The following DLG2 variants were observed in gnomAD, a reference collection of about 807,000 sequenced individuals.
DLG2 encodes the protein disks large homolog 2.
In DLG2, 45 loss-of-function variants were observed where a neutral mutation model predicts 132.5. The observed-to-expected ratio is 0.34, with a 90% CI of 0.27 to 0.44. The LOEUF (loss-of-function observed/expected upper bound fraction) is 0.44. Among genes scored for constraint, DLG2 ranks in the 20% least tolerant of loss-of-function variants. The probability of loss-of-function intolerance (pLI) is 1.00; values close to 1 mark genes in which losing one functional copy is unlikely to be tolerated. For missense variants in DLG2, 1,045 were observed against 1,196.9 expected (o/e 0.87, Z 1.87); for synonymous variants, 424 against 419.6 (o/e 1.01, Z -0.13).
chr11:85,394,957 A>G (rs969487746), intron 3 of DLG2, among the ~76,000 whole-genome samples: 3 of 152,174 alleles, frequency 2.0e-5, no homozygotes, highest in Non-Finnish European at 4.4e-5. Flanking sequence ...GAACATGTAT[A>G]CTTTTGCACT....
In DLG2 at chr11:84,706,398, A is replaced by T. The variant is rs563963498; in HGVS notation, c.358-171667T>A. Among the ~76,000 whole-genome samples, 50 of 151,914 alleles carry T rather than the reference A, an allele frequency of 3.3e-4. 1 individual carries two copies. The highest frequency in any genetic ancestry group is 1.9e-3 in the South Asian group (9 of 4,822). On this transcript the variant is annotated intron_variant, in intron 6 of 27. Coordinates refer to ENST00000376104, the MANE Select transcript of DLG2 (RefSeq NM_001142699.3). ...TCAATAAGTCAGGATTATTCAATTG[A>T]AACTAAGCAACTTTAGACATACTGT...
chr11:85,311,496 A>G (rs1024339016), intron 3 of DLG2, among the ~76,000 whole-genome samples: 4 of 152,116 alleles, frequency 2.6e-5, no homozygotes, highest in African/African-American at 9.7e-5. Context: ...ACTTCCAAAA[A>G]TCAATAGAAT....
intron 8 of DLG2, among the ~76,000 whole-genome samples, chr11:84,172,582 G>T (rs909306272): frequency 3.3e-5 from 5 of 150,450 alleles, no homozygotes; most frequent in Non-Finnish European, 7.4e-5. Flanking sequence ...TTGCTCTGTT[G>T]CCCAGGCTGG....
At chr11:84,547,432 T>C (rs1344373814) in intron 6 of DLG2, among the ~76,000 whole-genome samples, 1 of 152,122 alleles carries the variant, frequency 6.6e-6, no homozygotes, top group Non-Finnish European at 1.5e-5. Flanking sequence ...ACCTTCTCTT[T>C]GCACTTTTGT....
At chr11:85,005,956 G>A (rs919401147) in intron 6 of DLG2, among the ~76,000 whole-genome samples, 79 of 152,230 alleles carry the variant, frequency 5.2e-4, no homozygotes, top group African/African-American at 1.9e-3. Flanking sequence ...TTTATCGAAG[G>A]CCTTTTCTGC....
rs371007569 is a variant in DLG2 at position 84,004,798 on chromosome 11, T to C, written c.920-24156A>G. On this transcript the variant is annotated intron_variant, in intron 11 of 27. Transcript: ENST00000376104. ...TAAAGAGGACATAAATGGAAAGACATTTCATGCTCATGGGTTGAAAGAATT... is the reference window on the plus strand; with the variant it reads ...TAAAGAGGACATAAATGGAAAGACACTTCATGCTCATGGGTTGAAAGAATT... Among the ~76,000 whole-genome samples, 3 of 151,530 alleles carry C rather than the reference T, an allele frequency of 2.0e-5. No individual in the cohort carries two copies. The South Asian group carries it at 6.2e-4, about 31-fold the overall frequency.
chr11:84,705,523 G>T (rs1368499979), intron 6 of DLG2, among the ~76,000 whole-genome samples: 1 of 151,712 alleles, frequency 6.6e-6, no homozygotes, highest in Non-Finnish European at 1.5e-5. Context: ...TTTCCAGCTG[G>T]TATGAAACTA....
At chr11:85,518,414 G>A (rs1296506367) in intron 3 of DLG2, among the ~76,000 whole-genome samples, 1 of 152,198 alleles carries the variant, frequency 6.6e-6, no homozygotes, top group East Asian at 1.9e-4. Flanking sequence ...GAGATTGGAA[G>A]CATTTGGCCC....
intron 18 of DLG2, among the ~76,000 whole-genome samples, chr11:83,706,298 A>T (rs536480043): frequency 6.6e-6 from 1 of 151,974 alleles, no homozygotes; most frequent in African/African-American, 2.4e-5. Context: ...CTCCTATTCT[A>T]TATCAGGTGT....
intron 6 of DLG2, among the ~76,000 whole-genome samples, chr11:84,651,351 G>C (rs2099681828): frequency 6.6e-6 from 1 of 152,058 alleles, no homozygotes; most frequent in Admixed American, 6.6e-5. Flanking sequence ...GCCTTTTCCT[G>C]TTGTTATGTA....
intron 3 of DLG2, among the ~76,000 whole-genome samples, chr11:85,361,038 T>A (rs1387866255): frequency 6.6e-6 from 1 of 152,240 alleles, no homozygotes; most frequent in Non-Finnish European, 1.5e-5. Flanking sequence ...TAAAATCTTC[T>A]TCTTTTTTAT....
chr11:84,586,857 C>T (rs538272893), intron 6 of DLG2, among the ~76,000 whole-genome samples: 3 of 152,128 alleles, frequency 2.0e-5, no homozygotes, highest in Admixed American at 6.6e-5. Flanking sequence ...AATGCTTTGC[C>T]ATCCCCATCC....
In DLG2 at chr11:85,277,475, T is replaced by C. The variant is rs1389275659; in HGVS notation, c.186+7745A>G. ...ATCTAATTTCATTATATTTGAAAAATATTAGGTAGAAAACCAAAGTACTCT... is the reference window on the plus strand; with the variant it reads ...ATCTAATTTCATTATATTTGAAAAACATTAGGTAGAAAACCAAAGTACTCT... On this transcript the variant is annotated intron_variant, in intron 4 of 27. Transcript: ENST00000376104. Among the ~76,000 whole-genome samples, 4 of 152,144 alleles carry C rather than the reference T, an allele frequency of 2.6e-5. No individual in the cohort carries two copies. In the East Asian group the frequency reaches 5.8e-4, roughly 22 times the overall value.
At chr11:84,331,441 CAAAAAAAAAAA>C (rs71465960) in intron 7 of DLG2, among the ~76,000 whole-genome samples, 11 of 119,716 alleles carry the variant, frequency 9.2e-5, no homozygotes, top group Non-Finnish European at 1.9e-4. Context: ...TTACTTATCT[CAAAAAAAAAAA>C]AAAAAAAAAT....
At chr11:85,520,806 T>C (rs2074249957) in intron 3 of DLG2, among the ~76,000 whole-genome samples, 1 of 152,096 alleles carries the variant, frequency 6.6e-6, no homozygotes, top group South Asian at 2.1e-4. Context: ...AGCTGGATAT[T>C]CATATGCAGA....
At chr11:83,544,063 C>T (rs2096167426) in intron 19 of DLG2, among the ~76,000 whole-genome samples, 1 of 152,156 alleles carries the variant, frequency 6.6e-6, no homozygotes, top group Admixed American at 6.5e-5. Context: ...GACATTGAGT[C>T]TCTAATAAGA....
intron 18 of DLG2, among the ~76,000 whole-genome samples, chr11:83,717,612 T>C (rs1157756330): frequency 6.6e-6 from 1 of 152,166 alleles, no homozygotes; most frequent in Admixed American, 6.5e-5. Context: ...GTCACGACAG[T>C]TGATTACAGT....
intron 3 of DLG2, among the ~76,000 whole-genome samples, chr11:85,509,521 G>C (rs1443090160): frequency 6.6e-6 from 1 of 152,016 alleles, no homozygotes; most frequent in Non-Finnish European, 1.5e-5. Flanking sequence ...ACAATCTAAG[G>C]ACAGGATATG....
chr11:83,924,830 A>T (rs1403692603), intron 15 of DLG2, among the ~76,000 whole-genome samples: 1 of 152,152 alleles, frequency 6.6e-6, no homozygotes, highest in Non-Finnish European at 1.5e-5. Context: ...TAAATTATAA[A>T]TGTGGATTCT....
Sources: allele counts gnomAD v4.1 joint callset (sites outside exome capture counted in the v4.1 genomes callset), GRCh38; gene constraint gnomAD v4.1.1; transcripts MANE v1.5; gene names NCBI Gene and HGNC (gene_info 2026-07-23, HGNC 2026-07-21).